Variants in PJA2 observed in about 807,000 individuals in gnomAD.
PJA2 encodes praja ring finger ubiquitin ligase 2.
In PJA2, 25 loss-of-function variants were observed where a neutral mutation model predicts 69.3. The observed-to-expected ratio is 0.36, with a 90% confidence interval of 0.26 to 0.50. The LOEUF (loss-of-function observed/expected upper bound fraction) is 0.50. Among genes scored for constraint, PJA2 ranks in the 20% least tolerant of loss-of-function variants. The probability of loss-of-function intolerance (pLI) is 0.96; values close to 1 mark genes in which losing one functional copy is unlikely to be tolerated. For synonymous variants in PJA2, 308 were observed against 277.8 expected, an observed-to-expected ratio of 1.11 and a Z score of -1.08; for missense variants, 809 against 830.2, an observed-to-expected ratio of 0.97 and a Z score of 0.31.
chr5:109,395,504 G>C (rs138932103), intron 1 of PJA2, among the ~76,000 whole-genome samples: 2 of 152,308 alleles, frequency 1.3e-5, no homozygotes, highest in Admixed American at 6.5e-5. Context: ...TCCAGCCTGG[G>C]TGACAGAGTA....
rs1466016093 is a variant in PJA2, at chr5:109,336,293, T to C, written c.*938A>G. On this transcript the variant is annotated 3_prime_UTR_variant, in exon 10 of 10. Transcript: ENST00000361189. ...TGTGTGTGATCACCTGAAGGAGACA[T>C]TGTGCATCTTAGTTTGGGGTTATAT... The C allele has an allele frequency of 1.3e-5, 2 of 152,224 alleles. No homozygotes were observed. Among genetic ancestry groups the C allele is most frequent in the Admixed American group, 6.5e-5 (1 of 15,292 alleles). The allele number at this position is 152,224 out of a possible 1,614,324, so 9.4% of individuals were successfully genotyped here.
At chr5:109,399,730 T>C (rs1747497067) in intron 1 of PJA2, among the ~76,000 whole-genome samples, 1 of 151,928 alleles carries the variant, frequency 6.6e-6, no homozygotes, top group African/African-American at 2.4e-5. Flanking sequence ...ACAAAAAAGC[T>C]GAGGAGGAAA....
chr5:109,383,541 G>A, intron 1 of PJA2, 21 bp from the exon 2 acceptor site: 1 of 865,044 alleles, frequency 1.2e-6, no homozygotes, highest in South Asian at 1.7e-5. Flanking sequence ...ACAATGAATT[G>A]AACAATATAT....
chr5:109,370,498 G>C (rs1206326461), intron 4 of PJA2, among the ~76,000 whole-genome samples: 1 of 152,166 alleles, frequency 6.6e-6, no homozygotes, highest in Non-Finnish European at 1.5e-5. Context: ...GTAAGCAATG[G>C]ATGGCAGGGC....
At position 109,368,741 on chromosome 5, in the gene PJA2, T is replaced by A. The variant is rs1762625996; in HGVS notation, c.1289A>T (p.Glu430Val). The change falls in exon 5 of 10, where the codon GAA becomes GTA. Residue 430 changes from glutamate to valine, a missense_variant. Glu to Val is a moderately radical substitution (Grantham distance 121). Transcript: ENST00000361189. ...QLYDKDEDSS[E>V]CSDGEWSASL... ...AGCAGACCATTCCCCATCACTGCAT[T>A]CAGAACTGCAAATCAGAAGAGAAAT... 6.2e-7 allele frequency: 1 copy of A among 1,610,852 alleles called. No individual in the cohort carries two copies. Among genetic ancestry groups the A allele is most frequent in the Admixed American group, 1.7e-5 (1 of 59,128 alleles).
chr5:109,347,386 TG>T (rs753169896), intron 7 of PJA2, among the ~76,000 whole-genome samples: 32 of 152,258 alleles, frequency 2.1e-4, no homozygotes, highest in South Asian at 6.2e-4. Context: ...CCCTGCAGTG[TG>T]CCAGGCTTCC....
chr5:109,373,225 C>A (rs1486473240), intron 4 of PJA2, among the ~76,000 whole-genome samples: 1 of 152,028 alleles, frequency 6.6e-6, no homozygotes, highest in Non-Finnish European at 1.5e-5. Context: ...AAAACACAAA[C>A]AGGCAAATAA....
intron 7 of PJA2, among the ~76,000 whole-genome samples, chr5:109,350,606 C>A (rs961977473): frequency 1.1e-4 from 16 of 152,248 alleles, no homozygotes; most frequent in African/African-American, 3.9e-4. Context: ...CCCAATACAA[C>A]CAGGTATTTT....
At chr5:109,369,533 G>C (rs895277169) in intron 4 of PJA2, among the ~76,000 whole-genome samples, 2 of 152,124 alleles carry the variant, frequency 1.3e-5, no homozygotes, top group Non-Finnish European at 2.9e-5. Flanking sequence ...TATCTAACAT[G>C]ACTAAAACAA....
At chr5:109,341,548 T>TCG (rs1762058112) in intron 9 of PJA2, among the ~76,000 whole-genome samples, 2 of 51,450 alleles carry the variant, frequency 3.9e-5, no homozygotes, top group Admixed American at 3.4e-4. Flanking sequence ...GGGAGGGAGG[T>TCG]GGGGGGGGGT....
At chr5:109,382,673 C>A (rs1747078265) in intron 2 of PJA2, among the ~76,000 whole-genome samples, 1 of 151,998 alleles carries the variant, frequency 6.6e-6, no homozygotes, top group Non-Finnish European at 1.5e-5. Flanking sequence ...CATGGCGAAA[C>A]CCCGTCTCTA....
chr5:109,390,149 T>C (rs1264312188), intron 1 of PJA2, among the ~76,000 whole-genome samples: 1 of 152,062 alleles, frequency 6.6e-6, no homozygotes, highest in African/African-American at 2.4e-5. Context: ...TTACTAAAAC[T>C]TTTTTAAATC....
Position 109,354,382 on chromosome 5 carries a change from A to C in PJA2, c.1764+1533T>G, listed in dbSNP as rs62643555. Among the ~76,000 whole-genome samples, 389 of 49,476 alleles carry C rather than the reference A, an allele frequency of 7.9e-3. 33 individuals carry two copies. The highest frequency in any genetic ancestry group is 0.015 in the Admixed American group (76 of 4,950). 32.5% of individuals were successfully genotyped at this position (49,476 alleles called of 152,430 possible). A position where few individuals can be genotyped will look rare whatever the true frequency, so the allele number is the denominator to read the frequency against. ...CTATATCTAGAGATATCTATAGATT[A>C]GATATCTCTGATATCTAGAGATATC... is the stretch of plus-strand genomic sequence containing the variant. On this transcript the variant is annotated intron_variant, in intron 7 of 9. Coordinates refer to ENST00000361189, the MANE Select transcript of PJA2 (RefSeq NM_014819.5).
chr5:109,345,533 A>C (rs1363893760), intron 7 of PJA2, among the ~76,000 whole-genome samples: 1 of 151,590 alleles, frequency 6.6e-6, no homozygotes, highest in East Asian at 1.9e-4. Flanking sequence ...AAAAAAAAAA[A>C]ACTACCTTGT....
chr5:109,378,519 C>T lies in PJA2; in HGVS notation c.968G>A (p.Ser323Asn). Residue 323 changes from serine to asparagine, a missense_variant, in exon 4 of 10, where the codon AGT (serine) becomes AAT (asparagine). Physicochemically the swap from Ser to Asn is conservative, Grantham distance 46. Coordinates refer to ENST00000361189, the MANE Select transcript of PJA2 (RefSeq NM_014819.5). The stretch of plus-strand genomic sequence containing the variant: ...TGTTTCTTGGTCCACCTGGCTTGAA[C>T]TTATCAGTTTTCTAACTTTTGGCCT... ...VVRPKVRKLI[S>N]SSQVDQETGF... 1 of 1,614,164 alleles carries T rather than the reference C, an allele frequency of 6.2e-7. No homozygotes were observed. The highest frequency in any genetic ancestry group is 1.1e-5 in the South Asian group (1 of 91,084).
In PJA2 at chr5:109,378,855, G is replaced by A; in HGVS notation, c.632C>T (p.Ala211Val). 6.2e-7 allele frequency: 1 copy of A among 1,613,888 alleles called. No homozygotes were observed. Among genetic ancestry groups the A allele is most frequent in the Non-Finnish European group, 8.5e-7 (1 of 1,180,004 alleles). ...AACTGGTGGTGAAAGACCAGTGTAT[G>A]CCTCTGCCTCTCTGTTTTCCAACTC... is the stretch of plus-strand genomic sequence containing the variant. Reference protein sequence around the residue: ...VFELENREAEAYTGLSPPVPS... With the variant: ...VFELENREAEVYTGLSPPVPS... The change falls in exon 4 of 10, where the codon GCA (alanine) becomes GTA (valine). Residue 211 changes from alanine to valine, a missense_variant. Physicochemically the swap from Ala to Val is moderately conservative, Grantham distance 64 (BLOSUM62 0). Transcript: ENST00000361189.
chr5:109,378,465 CTTT>C lies in PJA2; in HGVS notation c.1019_1021del (p.Gln340del), dbSNP rs954462426. On this transcript the variant is annotated inframe_deletion, in exon 4 of 10. Transcript: ENST00000361189. Reference sequence around the variant, plus strand: ...AGCCTCTCTCCATCTTTGAACACTTCTTTGTTTCGCCTCATGCCTATTAAAACC... The same window carrying C: ...AGCCTCTCTCCATCTTTGAACACTTCGTTTCGCCTCATGCCTATTAAAACC... 31 of 1,614,060 alleles carry C rather than the reference CTTT, an allele frequency of 1.9e-5. No individual in the cohort carries two copies. Among genetic ancestry groups the C allele is most frequent in the Middle Eastern group, 1.6e-4 (1 of 6,084 alleles).
intron 9 of PJA2, among the ~76,000 whole-genome samples, chr5:109,337,584 T>C (rs759425364): frequency 1.3e-5 from 2 of 152,216 alleles, no homozygotes; most frequent in Non-Finnish European, 2.9e-5. Flanking sequence ...TTCATGTTCG[T>C]ATCTTTAAGG....
intron 7 of PJA2, among the ~76,000 whole-genome samples, chr5:109,348,400 T>C (rs1762200463): frequency 6.6e-6 from 1 of 151,702 alleles, no homozygotes; most frequent in East Asian, 1.9e-4. Flanking sequence ...TAGAGTTGAC[T>C]TCTTAGTCTC....
Sources: gnomAD v4.1 joint callset for allele counts (sites outside exome capture counted in the v4.1 genomes callset) on GRCh38, gnomAD v4.1.1 for gene constraint, MANE v1.5 for transcripts, NCBI Gene and HGNC (gene_info 2026-07-23, HGNC 2026-07-21) for gene names.